CSDE1: variants seen among roughly 807,000 people sequenced by gnomAD.
The protein encoded by CSDE1 is cold shock domain containing E1, also known as cold shock domain-containing protein E1.
A neutral mutation model predicts 89.3 loss-of-function variants in CSDE1; 17 were observed. That is an observed-to-expected ratio of 0.19 (90% CI 0.13 to 0.29). The LOEUF (loss-of-function observed/expected upper bound fraction) is 0.29. Ranked by LOEUF, CSDE1 falls within the 10% of genes least tolerant of loss-of-function variation. CSDE1 has a pLI of 1.00. For missense variants in CSDE1, 672 were observed against 984.2 expected, an observed-to-expected ratio of 0.68 and a Z score of 4.24; for synonymous variants, 322 against 332.8, an observed-to-expected ratio of 0.97 and a Z score of 0.35.
chr1:114,727,163 T>C, intron 12 of CSDE1, 73 bp from the exon 13 acceptor site: 1 of 1,024,442 alleles, frequency 9.8e-7, no homozygotes, highest in Non-Finnish European at 1.5e-6. Flanking sequence ...ACTATAGTTC[T>C]TACATATTCT....
At chr1:114,727,601 A>T (rs1424476285) in intron 12 of CSDE1, 2 of 152,248 alleles carry the variant, frequency 1.3e-5, no homozygotes. Flanking sequence ...CATAAAGTAG[A>T]TGATTAAAAA....
rs181435671 is a variant in CSDE1 at position 114,740,192 on chromosome 1, A to C, written c.1-302T>G. On this transcript the variant is annotated intron_variant, in intron 2 of 19. Coordinates refer to ENST00000358528, the MANE Select transcript of CSDE1 (RefSeq NM_001007553.3). Reference sequence around the variant, plus strand: ...CTACATTAGCAAATGCTGCCTTTACATGAAGTGAAAATTACTAAAACAACA... The same window carrying C: ...CTACATTAGCAAATGCTGCCTTTACCTGAAGTGAAAATTACTAAAACAACA... Among the ~76,000 whole-genome samples the C allele has an allele frequency of 5.7e-3, 862 of 152,334 alleles. 4 individuals are homozygous for C. Among genetic ancestry groups the C allele is most frequent in the Middle Eastern group, 0.037 (11 of 294 alleles).
At chr1:114,734,602 A>C in intron 6 of CSDE1, 79 bp from the exon 7 acceptor site, 1 of 1,064,910 alleles carries the variant, frequency 9.4e-7, no homozygotes, top group Non-Finnish European at 1.4e-6. Context: ...ATGAGTCTAA[A>C]GAAACTAGTT....
chr1:114,738,661 C>CTTTTTTTTTTTTTTTTTTTTTT (rs752985259), intron 3 of CSDE1, among the ~76,000 whole-genome samples: 1 of 80,026 alleles, frequency 1.2e-5, no homozygotes, highest in Non-Finnish European at 2.4e-5. Context: ...CATGTAAAAA[C>CTTTTTTTTTTTTTTTTTTTTTT]TTTTTTTTTT....
rs768724629 is a variant in CSDE1 at position 114,718,192 on chromosome 1, G to A, written c.2374C>T (p.Arg792Cys). Residue 792 changes from arginine (R) to cysteine (C), a missense_variant, in exon 20 of 20, where the codon CGT becomes TGT. Arg to Cys is a radical substitution (Grantham distance 180). Around this residue, in one of 8 missense-constraint regions of CSDE1, gnomAD observed 206 missense variants for 332.4 expected, o/e 0.62. Coordinates refer to ENST00000358528, the MANE Select transcript of CSDE1 (RefSeq NM_001007553.3). ...GGTTAGTCAATGACACCAGCTTGAC[G>A]GATCTTTCTTTCTGCACCAAACCCC... ...SMGFGAERKI[R>C]QAGVID The A allele has an allele frequency of 2.0e-5, 32 of 1,613,852 alleles. No homozygotes were observed. The highest frequency in any genetic ancestry group is 1.6e-4 in the Middle Eastern group (1 of 6,082).
chr1:114,731,950 G>C (rs879454482), intron 10 of CSDE1, among the ~76,000 whole-genome samples: 1 of 151,986 alleles, frequency 6.6e-6, no homozygotes, highest in Admixed American at 6.6e-5. Context: ...GAGTAGTTAG[G>C]ATTACAGGTG....
At chr1:114,733,640 T>G in intron 9 of CSDE1, 92 bp downstream of exon 9, 1 of 1,175,056 alleles carries the variant, frequency 8.5e-7, no homozygotes, top group East Asian at 2.4e-5. Flanking sequence ...CCACATTATA[T>G]TAACTGAATA....
chr1:114,723,750 G>A, intron 16 of CSDE1, 133 bp downstream of exon 16: 6 of 1,246,354 alleles, frequency 4.8e-6, no homozygotes, highest in South Asian at 3.8e-5. Context: ...AAGCAAGCAT[G>A]AGAGAGGTCA....
At position 114,739,860 on chromosome 1, in the gene CSDE1, T is replaced by C. The variant is rs540721389; in HGVS notation, c.31A>G (p.Asn11Asp). Residue 11 changes from asparagine to aspartate, a missense_variant, in exon 3 of 20, where the codon AAT becomes GAT. This residue lies in a region of CSDE1 where 26 missense variants were observed against 24.3 expected (regional missense o/e 1.07). Transcript: ENST00000358528. Reference sequence around the variant, plus strand: ...CCATTAGGGTACCCATTATGTCCATTGTTGTGGAGAAGGTTTGGATCAAAG... The same window carrying C: ...CCATTAGGGTACCCATTATGTCCATCGTTGTGGAGAAGGTTTGGATCAAAG... MSFDPNLLHN[N>D]GHNGYPNGTS... 9 of 1,614,058 alleles carry C rather than the reference T, an allele frequency of 5.6e-6. No homozygotes were observed. In the African/African-American group the frequency reaches 1.1e-4, roughly 19 times the overall value.
intron 2 of CSDE1, among the ~76,000 whole-genome samples, chr1:114,744,146 A>AG (rs1241030483): frequency 6.6e-6 from 1 of 152,236 alleles, no homozygotes; most frequent in African/African-American, 2.4e-5. Flanking sequence ...ATGCTAACAA[A>AG]GGTGGTGGTA....
chr1:114,720,773 T>TG, intron 16 of CSDE1, 56 bp from the exon 17 acceptor site: 1 of 1,525,324 alleles, frequency 6.6e-7, no homozygotes, highest in Non-Finnish European at 9.0e-7. Flanking sequence ...CCTCTGCTGA[T>TG]GACCCTAGGA....
chr1:114,747,125 C>A (rs1292302221), intron 2 of CSDE1, among the ~76,000 whole-genome samples: 1 of 152,224 alleles, frequency 6.6e-6, no homozygotes, highest in Non-Finnish European at 1.5e-5. Context: ...AAATCATTCA[C>A]CAAACAATTC....
chr1:114,717,896 G>A lies in CSDE1; in HGVS notation c.*273C>T, dbSNP rs935170340. ...AGTGGATTCTGCAATTACCAGTTGCGTTAAATGCACCAAATAAAGCTCCTA... is the reference window on the plus strand; with the variant it reads ...AGTGGATTCTGCAATTACCAGTTGCATTAAATGCACCAAATAAAGCTCCTA... On this transcript the variant is annotated 3_prime_UTR_variant, in exon 20 of 20. Coordinates refer to ENST00000358528, the MANE Select transcript of CSDE1 (RefSeq NM_001007553.3). The A allele has an allele frequency of 2.8e-5, 12 of 422,390 alleles. 1 individual carries two copies. The highest frequency in any genetic ancestry group is 2.4e-4 in the South Asian group (5 of 21,226). 26.2% of individuals were successfully genotyped at this position (422,390 alleles called of 1,614,324 possible).
chr1:114,739,010 G>T (rs1206625095), intron 3 of CSDE1, among the ~76,000 whole-genome samples: 3 of 150,904 alleles, frequency 2.0e-5, no homozygotes, highest in African/African-American at 7.3e-5. Flanking sequence ...CAGCCACAAT[G>T]AATTTCCATA....
chr1:114,732,875 CA>C, intron 9 of CSDE1, 59 bp from the exon 10 acceptor site: 2 of 1,420,710 alleles, frequency 1.4e-6, no homozygotes, highest in East Asian at 2.3e-5. Flanking sequence ...AGTTCTAAGT[CA>C]AACAAGAAGA....
chr1:114,730,140 G>A lies in CSDE1; in HGVS notation c.1356+118C>T. ...ACTTTGTTTAGTTCACTGTTAATATGACAGAAATTCTGAAAGAGACAAACT... is the reference window on the plus strand; with the variant it reads ...ACTTTGTTTAGTTCACTGTTAATATAACAGAAATTCTGAAAGAGACAAACT... On this transcript the variant is annotated intron_variant, in intron 12 of 19. Transcript: ENST00000358528. The A allele has an allele frequency of 4.3e-6, 5 of 1,171,316 alleles. 1 individual carries two copies. Among genetic ancestry groups the A allele is most frequent in the Non-Finnish European group, 6.0e-6 (5 of 831,608 alleles). The allele number at this position is 1,171,316 out of a possible 1,614,324, so 72.6% of individuals were successfully genotyped here. A position where few individuals can be genotyped will look rare whatever the true frequency, so the allele number is the denominator to read the frequency against.
chr1:114,727,145 T>TA, intron 12 of CSDE1, 55 bp from the exon 13 acceptor site: 2 of 1,198,260 alleles, frequency 1.7e-6, no homozygotes, highest in Non-Finnish European at 2.5e-6. Flanking sequence ...CAAAAACCAA[T>TA]AAAAACAACT....
intron 3 of CSDE1, among the ~76,000 whole-genome samples, chr1:114,739,311 G>A (rs924460164): frequency 1.3e-5 from 2 of 152,182 alleles, no homozygotes; most frequent in Admixed American, 6.5e-5. Flanking sequence ...GATTACAGGC[G>A]TAAGCCACCG....
At chr1:114,723,450 A>G (rs983673073) in intron 16 of CSDE1, among the ~76,000 whole-genome samples, 2 of 152,238 alleles carry the variant, frequency 1.3e-5, no homozygotes, top group Non-Finnish European at 1.5e-5. Flanking sequence ...TCTAGCTATT[A>G]AGAAACAGAT....
Sources: gnomAD v4.1 joint callset for allele counts (sites outside exome capture counted in the v4.1 genomes callset) on GRCh38, gnomAD v4.1.1 for gene constraint, gnomAD v4.1.1 regional missense constraint, MANE v1.5 for transcripts, NCBI Gene and HGNC (gene_info 2026-07-23, HGNC 2026-07-21) for gene names.